Variants in NCOR1 observed in about 807,000 individuals in gnomAD.
The protein encoded by NCOR1 is protein phosphatase 1, regulatory subunit 109.
Under a neutral mutation model 288.1 loss-of-function variants are expected in NCOR1, and 63 were observed. The observed-to-expected ratio is 0.22, with a 90% CI of 0.18 to 0.27. NCOR1 has a LOEUF of 0.27. Among genes scored for constraint, NCOR1 ranks in the 10% least tolerant of loss-of-function variants. NCOR1 has a pLI of 1.00. For synonymous variants in NCOR1, 1,007 were observed against 1,065.9 expected (o/e 0.94, Z 1.08); for missense variants, 2,397 against 3,019.2 (o/e 0.79, Z 4.83).
chr17:16,042,654 C>T (rs2057944926), intron 42 of NCOR1, among the ~76,000 whole-genome samples: 1 of 152,202 alleles, frequency 6.6e-6, no homozygotes, highest in South Asian at 2.1e-4. Flanking sequence ...CATGTGAAAG[C>T]CACTGTGGAG....
intron 1 of NCOR1, among the ~76,000 whole-genome samples, chr17:16,210,004 C>T (rs544962582): frequency 6.6e-6 from 1 of 151,714 alleles, no homozygotes; most frequent in Non-Finnish European, 1.5e-5. Flanking sequence ...ATTAATATAA[C>T]AATTGAAATC....
chr17:16,107,017 C>G (rs1331301005), intron 19 of NCOR1, among the ~76,000 whole-genome samples: 28 of 150,110 alleles, frequency 1.9e-4, no homozygotes, highest in Non-Finnish European at 4.0e-4. Context: ...CTCAGCCTCC[C>G]GAGTAGCTGG....
intron 1 of NCOR1, among the ~76,000 whole-genome samples, chr17:16,196,506 A>C (rs983476896): frequency 1.3e-5 from 2 of 152,288 alleles, no homozygotes; most frequent in Non-Finnish European, 2.9e-5. Flanking sequence ...CTATGTCTAC[A>C]AGAAAATTAA....
intron 3 of NCOR1, among the ~76,000 whole-genome samples, chr17:16,183,729 GA>G (rs775430186): frequency 6.6e-6 from 1 of 151,772 alleles, no homozygotes; most frequent in African/African-American, 2.4e-5. Flanking sequence ...CACAGAAATA[GA>G]AAAAACAACC....
At chr17:16,044,999 G>T in intron 42 of NCOR1, 58 of 294,144 alleles carry the variant, frequency 2.0e-4, no homozygotes, top group Middle Eastern at 1.2e-3. Context: ...CTGAACTTAA[G>T]AAAAAAAAAA....
chr17:16,083,583 G>GTT (rs74372157), intron 23 of NCOR1, among the ~76,000 whole-genome samples: 12 of 133,950 alleles, frequency 9.0e-5, no homozygotes, highest in South Asian at 2.5e-4. Context: ...GTGGTTCATG[G>GTT]TTTTTTTTTT....
At chr17:16,092,090 A>C in intron 21 of NCOR1, 32 bp from the exon 22 acceptor site, 1 of 1,604,900 alleles carries the variant, frequency 6.2e-7, no homozygotes, top group Non-Finnish European at 8.5e-7. Context: ...AAATATGCAA[A>C]CAACCAATGT....
intron 8 of NCOR1, among the ~76,000 whole-genome samples, chr17:16,151,007 A>G (rs1309499469): frequency 1.3e-5 from 2 of 151,674 alleles, no homozygotes; most frequent in African/African-American, 2.4e-5. Context: ...ATAATTGCAC[A>G]TACTCTCAGT....
intron 21 of NCOR1, among the ~76,000 whole-genome samples, chr17:16,093,324 T>C (rs1245215059): frequency 6.6e-6 from 1 of 152,216 alleles, no homozygotes; most frequent in Non-Finnish European, 1.5e-5. Flanking sequence ...TCCCTTAGGA[T>C]AGAAATGGAC....
intron 1 of NCOR1, among the ~76,000 whole-genome samples, chr17:16,204,213 A>T (rs2091218620): frequency 6.6e-6 from 1 of 152,200 alleles, no homozygotes. Flanking sequence ...CAAAAGCTGC[A>T]ATTCTAATAG....
In NCOR1 at chr17:16,136,513, T is replaced by A. The variant is rs2076417160; in HGVS notation, c.1509+798A>T. On this transcript the variant is annotated intron_variant, in intron 14 of 45. Transcript: ENST00000268712. Reference sequence around the variant, plus strand: ...AGACAGAAAAAGTGCTTTTTAGAAATTAAATTATCTAGGCTGGGCGCGGTG... The same window carrying A: ...AGACAGAAAAAGTGCTTTTTAGAAAATAAATTATCTAGGCTGGGCGCGGTG... Among the ~76,000 whole-genome samples the A allele has an allele frequency of 3.3e-5, 5 of 152,166 alleles. No individual in the cohort carries two copies. The South Asian group carries it at 1.0e-3, about 32-fold the overall frequency.
chr17:16,110,840 G>A (rs1228943741), intron 18 of NCOR1, among the ~76,000 whole-genome samples: 1 of 152,210 alleles, frequency 6.6e-6, no homozygotes, highest in Non-Finnish European at 1.5e-5. Context: ...AGAATTAGTT[G>A]CAATTCTCAA....
chr17:16,130,263 T>C (rs911130970), intron 14 of NCOR1, among the ~76,000 whole-genome samples: 3 of 152,224 alleles, frequency 2.0e-5, no homozygotes, highest in African/African-American at 7.2e-5. Flanking sequence ...AGTAAGGAAT[T>C]ACCTCTAATT....
chr17:16,053,429 A>G (rs947027107), intron 40 of NCOR1, among the ~76,000 whole-genome samples: 1 of 152,206 alleles, frequency 6.6e-6, no homozygotes, highest in Admixed American at 6.5e-5. Context: ...AAGGAATGCA[A>G]TTCGATTCAC....
At chr17:16,089,139 T>A (rs889537735) in intron 22 of NCOR1, among the ~76,000 whole-genome samples, 25 of 151,114 alleles carry the variant, frequency 1.7e-4, no homozygotes, top group South Asian at 4.2e-4. Flanking sequence ...TTTTTTTTTT[T>A]AAATGATGGA....
intron 14 of NCOR1, among the ~76,000 whole-genome samples, chr17:16,132,997 C>A (rs1377725806): frequency 6.6e-6 from 1 of 150,798 alleles, no homozygotes; most frequent in Non-Finnish European, 1.5e-5. Flanking sequence ...CAGACGGGGT[C>A]TTGCTCTGTC....
chr17:16,045,086 G>T lies in NCOR1; in HGVS notation c.6679+1865C>A, dbSNP rs566487487. On this transcript the variant is annotated intron_variant, in intron 42 of 45. Transcript: ENST00000268712. ...GAGGAAAAGACTGATAAGACTGGGG[G>T]GATAGTTAGTACAAGTGAGTGCTGA... is the stretch of plus-strand genomic sequence containing the variant. 6.1e-5 allele frequency: 20 copies of T among 330,574 alleles called. No homozygotes were observed. In the East Asian group the frequency reaches 1.4e-3, roughly 23 times the overall value. 20.5% of individuals were successfully genotyped at this position (330,574 alleles called of 1,614,324 possible).
chr17:16,157,873 A>G (rs2153414771), intron 6 of NCOR1, among the ~76,000 whole-genome samples: 1 of 151,034 alleles, frequency 6.6e-6, no homozygotes, highest in Admixed American at 6.6e-5. Flanking sequence ...CATAGAATTC[A>G]TGCCTGGTGT....
Position 16,071,506 on chromosome 17 carries a change from T to C in NCOR1, c.4055A>G (p.His1352Arg). Reference sequence around the variant, plus strand: ...TAAAATATCTTGCCTTGGAATCTCATGAATGGAACGCCCCATTTCTTTGAT... The same window carrying C: ...TAAAATATCTTGCCTTGGAATCTCACGAATGGAACGCCCCATTTCTTTGAT... ...TTIKEMGRSI[H>R]EIPRQDILTQ... Residue 1352 changes from histidine to arginine, a missense_variant, in exon 30 of 46, where the codon CAT (histidine) becomes CGT (arginine). Transcript: ENST00000268712. The C allele has an allele frequency of 6.2e-7, 1 of 1,614,218 alleles. No individual in the cohort carries two copies. The highest frequency in any genetic ancestry group is 8.5e-7 in the Non-Finnish European group (1 of 1,180,040).
Sources: allele counts gnomAD v4.1 joint callset (sites outside exome capture counted in the v4.1 genomes callset), GRCh38; gene constraint gnomAD v4.1.1; transcripts MANE v1.5; gene names NCBI Gene and HGNC (gene_info 2026-07-23, HGNC 2026-07-21).